EGFLAM: variants seen among roughly 807,000 people sequenced by gnomAD.
EGFLAM encodes pikachurin.
A neutral mutation model predicts 113.1 loss-of-function variants in EGFLAM; 79 were observed. That is an observed-to-expected ratio of 0.70 (90% confidence interval 0.58 to 0.84). The LOEUF is 0.84. Ranked by LOEUF, EGFLAM falls within the 40% of genes least tolerant of loss-of-function variation. The pLI is 0.00. For synonymous variants in EGFLAM, 504 were observed against 487.6 expected, an observed-to-expected ratio of 1.03 and a Z score of -0.44; for missense variants, 1,265 against 1,291.6, an observed-to-expected ratio of 0.98 and a Z score of 0.32.
chr5:38,378,993 A>G (rs1740439258), intron 6 of EGFLAM, among the ~76,000 whole-genome samples: 1 of 152,146 alleles, frequency 6.6e-6, no homozygotes, highest in Admixed American at 6.5e-5. Flanking sequence ...AGGGGCAGCC[A>G]CTGGGGGTTC....
At chr5:38,383,915 T>G (rs1740587512) in intron 6 of EGFLAM, among the ~76,000 whole-genome samples, 1 of 151,758 alleles carries the variant, frequency 6.6e-6, no homozygotes, top group African/African-American at 2.4e-5. Flanking sequence ...GGTGGGAATG[T>G]GGTGAGTGAG....
Position 38,458,306 on chromosome 5 carries a change from C to G in EGFLAM, c.2688-5C>G, listed in dbSNP as rs376003924. 30 of 1,613,072 alleles carry G rather than the reference C, an allele frequency of 1.9e-5. No individual in the cohort carries two copies. In the African/African-American group the frequency reaches 3.9e-4, roughly 21 times the overall value. ...TCTCTGTCTTCTTCTTCTCCAATGC[C>G]TTAGCTATAACCTGGGCAGTGGTGT... On this transcript the variant is annotated splice_polypyrimidine_tract_variant and splice_region_variant and intron_variant, in intron 19 of 21. Transcript: ENST00000322350.
chr5:38,452,044 T>G (rs1742935324), intron 19 of EGFLAM, among the ~76,000 whole-genome samples: 1 of 150,586 alleles, frequency 6.6e-6, no homozygotes, highest in Admixed American at 6.6e-5. Context: ...GACTTTTTTT[T>G]TTTTTTTTTG....
In EGFLAM at chr5:38,448,342, A is replaced by G. The variant is rs1561100448; in HGVS notation, c.2506A>G (p.Ser836Gly). The change falls in exon 18 of 22, where the codon AGT becomes GGT. Residue 836 changes from serine to glycine, a missense_variant. Physicochemically the swap from Ser to Gly is moderately conservative, Grantham distance 56. Coordinates refer to ENST00000322350, the MANE Select transcript of EGFLAM (RefSeq NM_152403.4). ...AIEIPQFIGR[S>G]YLTYDNPDIL... is the part of the protein sequence containing the mutation. Reference sequence around the variant, plus strand: ...TGAGATCCCGCAGTTTATCGGCCGCAGTTACCTGACGTATGACAACCCAGA... The same window carrying G: ...TGAGATCCCGCAGTTTATCGGCCGCGGTTACCTGACGTATGACAACCCAGA... The G allele has an allele frequency of 1.9e-6, 3 of 1,614,164 alleles. No individual in the cohort carries two copies. Among genetic ancestry groups the G allele is most frequent in the Non-Finnish European group, 2.5e-6 (3 of 1,180,042 alleles).
chr5:38,376,933 G>T (rs905414358), intron 6 of EGFLAM, among the ~76,000 whole-genome samples: 1 of 152,170 alleles, frequency 6.6e-6, no homozygotes. Context: ...GGCTCCCAAA[G>T]TGCTGGGATT....
intron 16 of EGFLAM, among the ~76,000 whole-genome samples, chr5:38,436,262 G>T (rs1208564768): frequency 6.6e-6 from 1 of 152,174 alleles, no homozygotes; most frequent in Non-Finnish European, 1.5e-5. Flanking sequence ...CTGAAGAAAA[G>T]CATGTTTAGT....
At chr5:38,420,528 A>G (rs553377766) in intron 12 of EGFLAM, among the ~76,000 whole-genome samples, 2 of 152,370 alleles carry the variant, frequency 1.3e-5, no homozygotes, top group African/African-American at 2.4e-5. Context: ...TAGAAATAGT[A>G]GCTGCCTCAT....
At chr5:38,376,315 C>T (rs1292459833) in intron 6 of EGFLAM, among the ~76,000 whole-genome samples, 2 of 151,930 alleles carry the variant, frequency 1.3e-5, no homozygotes, top group African/African-American at 4.8e-5. Context: ...CTTCTTTTTT[C>T]CAAAAACGGG....
At chr5:38,392,599 A>G (rs1740840580) in intron 6 of EGFLAM, among the ~76,000 whole-genome samples, 1 of 146,874 alleles carries the variant, frequency 6.8e-6, no homozygotes, top group Non-Finnish European at 1.5e-5. Flanking sequence ...CCTTTTCTCC[A>G]CAACCTCACC....
intron 20 of EGFLAM, among the ~76,000 whole-genome samples, chr5:38,459,136 G>A (rs1010414279): frequency 6.6e-6 from 1 of 151,962 alleles, no homozygotes; most frequent in African/African-American, 2.4e-5. Context: ...GACCTCCCAG[G>A]CTCAGGCAGT....
chr5:38,299,564 AGT>A (rs569377646), intron 1 of EGFLAM, among the ~76,000 whole-genome samples: 2 of 152,108 alleles, frequency 1.3e-5, no homozygotes, highest in Non-Finnish European at 2.9e-5. Context: ...GTGATGAGTG[AGT>A]TCTTGCTCTG....
At chr5:38,430,515 T>C (rs1020226308) in intron 14 of EGFLAM, among the ~76,000 whole-genome samples, 3 of 152,200 alleles carry the variant, frequency 2.0e-5, no homozygotes, top group Non-Finnish European at 4.4e-5. Context: ...ACTGAATGGA[T>C]TGGTGTGCCT....
chr5:38,383,302 C>G (rs561561600), intron 6 of EGFLAM, among the ~76,000 whole-genome samples: 1 of 152,212 alleles, frequency 6.6e-6, no homozygotes, highest in East Asian at 1.9e-4. Context: ...CTGGTACATA[C>G]ATTTCTTTCC....
chr5:38,386,706 C>T (rs758685487), intron 6 of EGFLAM, among the ~76,000 whole-genome samples: 3 of 152,022 alleles, frequency 2.0e-5, no homozygotes, highest in Non-Finnish European at 4.4e-5. Flanking sequence ...GGGGTTTCAC[C>T]GTGTTGGCCA....
In EGFLAM at chr5:38,338,691, T is replaced by C. The variant is rs1218930643; in HGVS notation, c.208-7T>C. The C allele has an allele frequency of 6.2e-7, 1 of 1,614,154 alleles. No homozygotes were observed. The highest frequency in any genetic ancestry group is 8.5e-7 in the Non-Finnish European group (1 of 1,179,968). On this transcript the variant is annotated splice_polypyrimidine_tract_variant and splice_region_variant and intron_variant, in intron 2 of 21. Transcript: ENST00000322350. ...TGCTCTCACCAGGGTGTCTGCATCT[T>C]TTCAAGGTCTTTTACTCTGAGGTTG... is the stretch of plus-strand genomic sequence containing the variant.
chr5:38,427,965 C>T (rs1019555092), intron 14 of EGFLAM, among the ~76,000 whole-genome samples: 1 of 152,158 alleles, frequency 6.6e-6, no homozygotes, highest in Non-Finnish European at 1.5e-5. Flanking sequence ...TCCTTGGAGC[C>T]TGTAGTTGGT....
Position 38,314,733 on chromosome 5 carries a change from C to A in EGFLAM, c.98-22787C>A, listed in dbSNP as rs1002010153. On this transcript the variant is annotated intron_variant, in intron 1 of 21. Transcript: ENST00000322350. ...ACCTTGGCAGAATGCTATTGTTAAT[C>A]CATAGTGGTGACTTGTTGAACTCAG... is the stretch of plus-strand genomic sequence containing the variant. 3.9e-5 allele frequency among the ~76,000 whole-genome samples: 6 copies of A among 152,322 alleles called. No individual in the cohort carries two copies. In the East Asian group the frequency reaches 1.2e-3, roughly 29 times the overall value.
intron 3 of EGFLAM, among the ~76,000 whole-genome samples, chr5:38,341,971 A>C (rs1175995139): frequency 6.6e-6 from 1 of 151,758 alleles, no homozygotes; most frequent in Non-Finnish European, 1.5e-5. Flanking sequence ...TCCAGGGACA[A>C]CCTGATCATC....
chr5:38,439,342 C>T (rs1438450467), intron 17 of EGFLAM, among the ~76,000 whole-genome samples: 1 of 151,578 alleles, frequency 6.6e-6, no homozygotes, highest in Non-Finnish European at 1.5e-5. Flanking sequence ...TCATGTTGGG[C>T]CTTCATTTTT....
Sources: gnomAD v4.1 joint callset for allele counts (sites outside exome capture counted in the v4.1 genomes callset) on GRCh38, gnomAD v4.1.1 for gene constraint, MANE v1.5 for transcripts, NCBI Gene and HGNC (gene_info 2026-07-23, HGNC 2026-07-21) for gene names.